EXOC6B: variants seen among roughly 807,000 people sequenced by gnomAD.
The protein encoded by EXOC6B is SEC15 homolog B.
Under a neutral mutation model 113.5 loss-of-function variants are expected in EXOC6B, and 54 were observed. That is an observed-to-expected ratio of 0.48 (90% CI 0.38 to 0.60). EXOC6B has a LOEUF of 0.60. Among genes scored for constraint, EXOC6B ranks in the 20% least tolerant of loss-of-function variants. The pLI is 0.00. For missense variants in EXOC6B, 797 were observed against 977.5 expected (o/e 0.82, Z 2.46); for synonymous variants, 357 against 339.0 (o/e 1.05, Z -0.58).
intron 8 of EXOC6B, among the ~76,000 whole-genome samples, chr2:72,541,588 T>C (rs1206621686): frequency 6.6e-6 from 1 of 152,200 alleles, no homozygotes; most frequent in Non-Finnish European, 1.5e-5. Flanking sequence ...GTTATGGAAA[T>C]GTACAGGTTT....
At chr2:72,629,367 C>T (rs1672253406) in intron 6 of EXOC6B, among the ~76,000 whole-genome samples, 1 of 152,174 alleles carries the variant, frequency 6.6e-6, no homozygotes, top group African/African-American at 2.4e-5. Context: ...GTTCCAACCT[C>T]TACTTACAAT....
intron 20 of EXOC6B, among the ~76,000 whole-genome samples, chr2:72,332,017 T>C (rs564643635): frequency 1.5e-4 from 23 of 152,206 alleles, no homozygotes; most frequent in Non-Finnish European, 2.2e-4. Flanking sequence ...ATTGATACTG[T>C]CTGAAACTCT....
chr2:72,741,509 T>C, intron 1 of EXOC6B, 40 bp from the exon 2 acceptor site: 2 of 1,546,748 alleles, frequency 1.3e-6, no homozygotes, highest in East Asian at 2.3e-5. Context: ...CCATGGTTAC[T>C]TCTAAGAAGG....
At chr2:72,460,210 A>G (rs1697531114) in intron 18 of EXOC6B, among the ~76,000 whole-genome samples, 1 of 152,152 alleles carries the variant, frequency 6.6e-6, no homozygotes. Flanking sequence ...TTAATTCAAG[A>G]TGGATTAAAG....
At chr2:72,544,078 T>C (rs1291214198) in intron 8 of EXOC6B, among the ~76,000 whole-genome samples, 3 of 152,216 alleles carry the variant, frequency 2.0e-5, no homozygotes, top group Non-Finnish European at 4.4e-5. Flanking sequence ...TTGTTTTAGA[T>C]GTTGTGAAAT....
At chr2:72,723,072 G>T (rs1360204662) in intron 5 of EXOC6B, among the ~76,000 whole-genome samples, 1 of 152,120 alleles carries the variant, frequency 6.6e-6, no homozygotes, top group Non-Finnish European at 1.5e-5. Context: ...ATCCGTGACA[G>T]GTTAAAGAAT....
At chr2:72,687,308 A>T (rs1373685812) in intron 6 of EXOC6B, among the ~76,000 whole-genome samples, 1 of 152,196 alleles carries the variant, frequency 6.6e-6, no homozygotes, top group African/African-American at 2.4e-5. Flanking sequence ...ACTATATGCA[A>T]CCTAACATTT....
chr2:72,692,391 G>A (rs1274834448), intron 6 of EXOC6B, among the ~76,000 whole-genome samples: 16 of 143,146 alleles, frequency 1.1e-4, no homozygotes, highest in East Asian at 4.1e-4. Context: ...TCGCTCTGTC[G>A]CCTAGGCTGG....
At chr2:72,514,355 T>A (rs1342272006) in intron 10 of EXOC6B, among the ~76,000 whole-genome samples, 3 of 151,978 alleles carry the variant, frequency 2.0e-5, no homozygotes, top group African/African-American at 4.8e-5. Context: ...ACATCAAGTG[T>A]AATAAGATTA....
intron 1 of EXOC6B, among the ~76,000 whole-genome samples, chr2:72,783,530 G>A: frequency 6.6e-6 from 1 of 151,656 alleles, no homozygotes; most frequent in Admixed American, 6.6e-5. Flanking sequence ...CACCATGTTG[G>A]TCAGGCTGGT....
chr2:72,783,689 A>G (rs1684206091), intron 1 of EXOC6B, among the ~76,000 whole-genome samples: 1 of 152,014 alleles, frequency 6.6e-6, no homozygotes, highest in Admixed American at 6.6e-5. Context: ...CTTTTTAATG[A>G]GAATAAATGT....
intron 19 of EXOC6B, among the ~76,000 whole-genome samples, chr2:72,340,626 G>A (rs1194534303): frequency 6.6e-6 from 1 of 152,136 alleles, no homozygotes; most frequent in Non-Finnish European, 1.5e-5. Flanking sequence ...ATTGGTTTTG[G>A]CCAAAATGCC....
chr2:72,306,607 C>T (rs530579396), intron 20 of EXOC6B, among the ~76,000 whole-genome samples: 2 of 152,192 alleles, frequency 1.3e-5, no homozygotes, highest in East Asian at 3.9e-4. Flanking sequence ...TTATGTGGTA[C>T]TTCTCTTTTA....
At chr2:72,204,551 A>G (rs921696346) in intron 20 of EXOC6B, among the ~76,000 whole-genome samples, 3 of 104,404 alleles carry the variant, frequency 2.9e-5, no homozygotes, top group Non-Finnish European at 6.4e-5. Context: ...AGACCAGAAG[A>G]AGAAAAAAAA....
intron 7 of EXOC6B, among the ~76,000 whole-genome samples, chr2:72,573,679 T>G (rs1166382735): frequency 3.3e-5 from 5 of 152,212 alleles, no homozygotes; most frequent in Non-Finnish European, 1.5e-5. Context: ...GATGAAACTT[T>G]CAAGCATTAT....
chr2:72,575,700 CA>C, intron 6 of EXOC6B, 32 bp from the exon 7 acceptor site: 1 of 1,475,162 alleles, frequency 6.8e-7, no homozygotes, highest in Non-Finnish European at 9.0e-7. Flanking sequence ...ACAAACACAC[CA>C]AAAAGGTGGG....
intron 6 of EXOC6B, among the ~76,000 whole-genome samples, chr2:72,709,389 T>C (rs1474765637): frequency 6.6e-6 from 1 of 152,038 alleles, no homozygotes; most frequent in African/African-American, 2.4e-5. Flanking sequence ...ATCCCCCAGG[T>C]TGGAGGGCAC....
intron 19 of EXOC6B, among the ~76,000 whole-genome samples, chr2:72,341,796 T>C (rs1005249238): frequency 6.6e-6 from 1 of 152,096 alleles, no homozygotes; most frequent in Non-Finnish European, 1.5e-5. Flanking sequence ...ATATATATTT[T>C]TATCAAGTGC....
intron 11 of EXOC6B, among the ~76,000 whole-genome samples, chr2:72,502,745 G>A (rs1700391497): frequency 6.6e-6 from 1 of 151,818 alleles, no homozygotes; most frequent in Admixed American, 6.6e-5. Context: ...CACTACACTG[G>A]AATTTCCCCT....
Sources: allele counts gnomAD v4.1 joint callset (sites outside exome capture counted in the v4.1 genomes callset), GRCh38; gene constraint gnomAD v4.1.1; transcripts MANE v1.5; gene names NCBI Gene and HGNC (gene_info 2026-07-23, HGNC 2026-07-21).